Variants in CCND3 observed in about 807,000 individuals in gnomAD.
CCND3 encodes the protein cyclin D3.
CCND3 carries 9 observed loss-of-function variants against 28.7 expected under a neutral mutation model. The ratio of observed to expected loss-of-function variants is 0.31; its 90% confidence interval spans 0.19 to 0.55. The LOEUF (loss-of-function observed/expected upper bound fraction) is 0.55. Ranked by LOEUF, CCND3 falls within the 20% of genes least tolerant of loss-of-function variation. The pLI, the probability that CCND3 is intolerant of heterozygous loss-of-function variation, is 0.93. For missense variants in CCND3, 315 were observed against 385.8 expected, an observed-to-expected ratio of 0.82 and a Z score of 1.54; for synonymous variants, 164 against 163.9, an observed-to-expected ratio of 1.00 and a Z score of 0.00.
At chr6:42,023,645 G>C (rs919457192) in intron 1 of CCND3, among the ~76,000 whole-genome samples, 1 of 152,022 alleles carries the variant, frequency 6.6e-6, no homozygotes. Flanking sequence ...AATAACTAGG[G>C]TAGCCGTATC....
At chr6:41,973,332 C>A (rs1762085076) in intron 1 of CCND3, among the ~76,000 whole-genome samples, 1 of 152,120 alleles carries the variant, frequency 6.6e-6, no homozygotes, top group South Asian at 2.1e-4. Context: ...AACTGATAAG[C>A]CAAACAACAT....
intron 1 of CCND3, among the ~76,000 whole-genome samples, chr6:42,020,954 G>A (rs1763693884): frequency 6.6e-6 from 1 of 152,190 alleles, no homozygotes; most frequent in South Asian, 2.1e-4. Flanking sequence ...GTTTCTCCAT[G>A]TTGGCCAGGC....
intron 1 of CCND3, among the ~76,000 whole-genome samples, chr6:42,028,050 C>T (rs184978209): frequency 1.2e-3 from 185 of 152,204 alleles, no homozygotes; most frequent in Non-Finnish European, 2.4e-3. Context: ...CCCGGCCGCC[C>T]GTTATGAAAT....
intron 1 of CCND3, among the ~76,000 whole-genome samples, chr6:41,981,855 G>A (rs1268780185): frequency 6.6e-6 from 1 of 152,082 alleles, no homozygotes; most frequent in Non-Finnish European, 1.5e-5. Flanking sequence ...AAAAGTCAAA[G>A]CCAGGCACAG....
chr6:41,966,912 G>A (rs897645064), intron 1 of CCND3, among the ~76,000 whole-genome samples: 11 of 152,182 alleles, frequency 7.2e-5, no homozygotes, highest in African/African-American at 2.7e-4. Flanking sequence ...CAAATGGAAA[G>A]AGAAGTTTAA....
At chr6:42,038,174 C>A (rs973511589) in intron 1 of CCND3, among the ~76,000 whole-genome samples, 1 of 152,024 alleles carries the variant, frequency 6.6e-6, no homozygotes, top group African/African-American at 2.4e-5. Context: ...GCCTGGTTAT[C>A]TAGTTCTTGG....
intron 1 of CCND3, among the ~76,000 whole-genome samples, chr6:42,007,940 C>T (rs1170865244): frequency 7.9e-5 from 12 of 151,734 alleles, no homozygotes; most frequent in Non-Finnish European, 1.3e-4. Flanking sequence ...AGAAATGAGC[C>T]GGCAGAGCAG....
Position 41,941,077 on chromosome 6 carries a change from G to A in CCND3, c.198+375C>T. On this transcript the variant is annotated intron_variant, in intron 1 of 4. Transcript: ENST00000372991. The surrounding 1 kb of genome is among the most constrained non-coding windows in gnomAD (Gnocchi z 6.1). ...GAACCCCGCGAAAGACACAGGAACC[G>A]GCTCCCGGGCGGGGGCGGCCGAGCC... is the stretch of plus-strand genomic sequence containing the variant. 4 of 1,563,014 alleles carry A rather than the reference G, an allele frequency of 2.6e-6. No individual in the cohort carries two copies. The highest frequency in any genetic ancestry group is 2.3e-5 in the East Asian group (1 of 44,316).
intron 1 of CCND3, among the ~76,000 whole-genome samples, chr6:42,023,712 C>T (rs1763781313): frequency 3.1e-4 from 1 of 3,226 alleles, no homozygotes; most frequent in African/African-American, 5.9e-4. Context: ...CATCTATCAT[C>T]TATTAAACAC....
chr6:41,986,584 T>G (rs1401379371), intron 1 of CCND3, among the ~76,000 whole-genome samples: 1 of 120,982 alleles, frequency 8.3e-6, no homozygotes, highest in Non-Finnish European at 1.7e-5. Flanking sequence ...AGTTTGTTGT[T>G]AGTGTATAGA....
At chr6:41,988,995 G>C (rs914261839) in intron 1 of CCND3, among the ~76,000 whole-genome samples, 1 of 151,776 alleles carries the variant, frequency 6.6e-6, no homozygotes, top group Non-Finnish European at 1.5e-5. Flanking sequence ...CACCTCGCCC[G>C]GCCGATAAGC....
intron 1 of CCND3, among the ~76,000 whole-genome samples, chr6:41,982,005 T>C (rs1399307427): frequency 6.6e-6 from 1 of 150,688 alleles, no homozygotes; most frequent in East Asian, 2.0e-4. Context: ...CACGGTGGCT[T>C]ATGCCTGCAA....
intron 2 of CCND3, 29 bp from the exon 3 acceptor site, chr6:41,937,423 G>A: frequency 6.2e-7 from 1 of 1,613,488 alleles, no homozygotes; most frequent in South Asian, 1.1e-5. Flanking sequence ...GGTGGGGTCA[G>A]TGGCTGGAGA....
rs3218101 is a variant in CCND3 at position 41,936,146 on chromosome 6, C to G, written c.712-39G>C. The G allele has an allele frequency of 2.5e-3, 3,837 of 1,529,674 alleles. 43 individuals are homozygous for G. In the African/African-American group the frequency reaches 0.036, roughly 14 times the overall value. The allele number at this position is 1,529,674 out of a possible 1,614,324, so 94.8% of individuals were successfully genotyped here. On this transcript the variant is annotated intron_variant, in intron 4 of 4. Coordinates refer to ENST00000372991, the MANE Select transcript of CCND3 (RefSeq NM_001760.5). The surrounding 1 kb of genome is among the most constrained non-coding windows in gnomAD (Gnocchi z 4.4). ...AGAAGAGTGAGGAGCAAACACTCCC[C>G]CCATAGCATCTGGCAGCAGGTGCAG...
At chr6:41,951,084 T>G (rs1010899545) in intron 1 of CCND3, among the ~76,000 whole-genome samples, 5 of 151,996 alleles carry the variant, frequency 3.3e-5, no homozygotes, top group Non-Finnish European at 5.9e-5. Context: ...TCCTAAGATG[T>G]CATGAAGACA....
chr6:41,958,106 CCTGCCT>C (rs983476343), intron 1 of CCND3, among the ~76,000 whole-genome samples: 7 of 149,260 alleles, frequency 4.7e-5, no homozygotes, highest in African/African-American at 1.5e-4. Context: ...CAAGTGATTC[CCTGCCT>C]CAGCCTCCTG....
chr6:41,966,105 G>A (rs1403403835), intron 1 of CCND3, among the ~76,000 whole-genome samples: 1 of 152,124 alleles, frequency 6.6e-6, no homozygotes, highest in African/African-American at 2.4e-5. Flanking sequence ...ATTGCATTTA[G>A]GGATGGTTAT....
At position 41,993,077 on chromosome 6, in the gene CCND3, A is replaced by G. The variant is rs925040311; in HGVS notation, c.-45-52492T>C. On this transcript the variant is annotated intron_variant, in intron 1 of 4. Transcript: ENST00000372988. Reference sequence around the variant, plus strand: ...ACACTATATCATGCCTGGCTTAAAAATGTTTTGTAGAGACAGGGTCTTGAT... The same window carrying G: ...ACACTATATCATGCCTGGCTTAAAAGTGTTTTGTAGAGACAGGGTCTTGAT... Among the ~76,000 whole-genome samples the G allele has an allele frequency of 9.2e-5, 14 of 152,176 alleles. No individual in the cohort carries two copies. The South Asian group carries it at 2.9e-3, about 32-fold the overall frequency.
At chr6:42,034,394 C>T (rs545377340) in intron 1 of CCND3, among the ~76,000 whole-genome samples, 20 of 151,762 alleles carry the variant, frequency 1.3e-4, no homozygotes, top group East Asian at 7.7e-4. Flanking sequence ...GTGATCCACC[C>T]GCCCTGGCCT....
Sources: allele counts gnomAD v4.1 joint callset (sites outside exome capture counted in the v4.1 genomes callset), GRCh38; gene constraint gnomAD v4.1.1; non-coding constraint Gnocchi (gnomAD v3.1); transcripts MANE v1.5; gene names NCBI Gene and HGNC (gene_info 2026-07-23, HGNC 2026-07-21).